Variants in FOXP1 observed in about 807,000 individuals in gnomAD.
FOXP1 encodes the protein forkhead box protein P1.
In FOXP1, 15 loss-of-function variants were observed where a neutral mutation model predicts 98.2. The ratio of observed to expected loss-of-function variants is 0.15; its 90% CI spans 0.10 to 0.24. FOXP1 has a LOEUF of 0.24. Ranked by LOEUF, FOXP1 falls within the 10% of genes least tolerant of loss-of-function variation. FOXP1 has a pLI of 1.00. For missense variants in FOXP1, 633 were observed against 848.5 expected (o/e 0.75, Z 3.15); for synonymous variants, 371 against 314.5 (o/e 1.18, Z -1.90).
Position 71,053,643 on chromosome 3 carries a change from A to G in FOXP1, c.413T>C (p.Leu138Pro). The change falls in exon 8 of 21, where the codon CTT (leucine) becomes CCT (proline). Residue 138 changes from leucine to proline, a missense_variant. Transcript: ENST00000649528. Reference sequence around the variant, plus strand: ...TGGAGGAAGGACAATTACCTGTTGAAGCATGAGGGCCTGCTGCTGCTGGAG... The same window carrying G: ...TGGAGGAAGGACAATTACCTGTTGAGGCATGAGGGCCTGCTGCTGCTGGAG... ...VLLQQQQALM[L>P]QQQQLQEFYK... 6.2e-7 allele frequency: 1 copy of G among 1,614,088 alleles called. No homozygotes were observed. Among genetic ancestry groups the G allele is most frequent in the Non-Finnish European group, 8.5e-7 (1 of 1,179,976 alleles).
chr3:71,208,536 T>TGTGTGTGTGTGTGTGTGTGTGTGTGTG (rs2064212586), intron 5 of FOXP1, among the ~76,000 whole-genome samples: 2 of 149,344 alleles, frequency 1.3e-5, no homozygotes, highest in African/African-American at 2.5e-5. Context: ...GCATTTAAGT[T>TGTGTGTGTGTGTGTGTGTGTGTGTGTG]TGTGTGTGTG....
intron 4 of FOXP1, among the ~76,000 whole-genome samples, chr3:71,325,062 T>A (rs2075607474): frequency 6.6e-6 from 1 of 151,164 alleles, no homozygotes; most frequent in Admixed American, 6.6e-5. Flanking sequence ...GATTTTTTTT[T>A]TTTTTTTTGA....
intron 2 of FOXP1, among the ~76,000 whole-genome samples, chr3:71,496,968 G>A (rs1407785994): frequency 6.6e-6 from 1 of 151,852 alleles, no homozygotes; most frequent in East Asian, 1.9e-4. Flanking sequence ...GGAAGTGTGT[G>A]TGTGTGTGTG....
intron 6 of FOXP1, among the ~76,000 whole-genome samples, chr3:71,181,597 T>C (rs1050608683): frequency 6.6e-6 from 1 of 152,096 alleles, no homozygotes; most frequent in African/African-American, 2.4e-5. Flanking sequence ...CCCAGGGCAG[T>C]TTAAATCAGT....
chr3:70,978,001 G>C lies in FOXP1; in HGVS notation c.1175C>G (p.Ser392Cys). Residue 392 changes from serine to cysteine, a missense_variant, in exon 15 of 21, where the codon TCC becomes TGC. Around this residue, in one of 6 missense-constraint regions of FOXP1, gnomAD observed 141 missense variants for 199.5 expected, o/e 0.71. Transcript: ENST00000649528. Reference sequence around the variant, plus strand: ...TGGAGAAGCCTCCGATGCGGACTTGGAGAGAGTGACACTTGATACCAGATT... The same window carrying C: ...TGGAGAAGCCTCCGATGCGGACTTGCAGAGAGTGACACTTGATACCAGATT... ...PLNLVSSVTL[S>C]KSASEASPQS... 1 of 1,614,090 alleles carries C rather than the reference G, an allele frequency of 6.2e-7. No homozygotes were observed. The highest frequency in any genetic ancestry group is 8.5e-7 in the Non-Finnish European group (1 of 1,179,988).
At chr3:71,488,769 T>C (rs1363219478) in intron 3 of FOXP1, among the ~76,000 whole-genome samples, 1 of 152,190 alleles carries the variant, frequency 6.6e-6, no homozygotes, top group East Asian at 1.9e-4. Context: ...GATAGGCAGC[T>C]GCCAGCACTC....
At chr3:71,219,731 T>C (rs2065210914) in intron 5 of FOXP1, among the ~76,000 whole-genome samples, 2 of 152,376 alleles carry the variant, frequency 1.3e-5, no homozygotes, top group East Asian at 3.9e-4. Flanking sequence ...TATCTTATTC[T>C]TTTTACTTTT....
intron 3 of FOXP1, among the ~76,000 whole-genome samples, chr3:71,483,804 A>G (rs1040238842): frequency 1.1e-4 from 16 of 152,122 alleles, no homozygotes; most frequent in Non-Finnish European, 2.2e-4. Flanking sequence ...CACATACACG[A>G]ACTTTTTTTT....
intron 2 of FOXP1, among the ~76,000 whole-genome samples, chr3:71,576,890 C>T (rs564857862): frequency 2.2e-4 from 34 of 152,180 alleles, no homozygotes; most frequent in Non-Finnish European, 4.4e-4. Context: ...AGATAGGAAA[C>T]ATTTTTTTCT....
At chr3:71,337,626 A>T (rs2076763836) in intron 4 of FOXP1, among the ~76,000 whole-genome samples, 1 of 152,218 alleles carries the variant, frequency 6.6e-6, no homozygotes, top group South Asian at 2.1e-4. Flanking sequence ...ACCTTCCAGA[A>T]GATTGATCAA....
chr3:71,267,845 C>T (rs1466320479), intron 5 of FOXP1, among the ~76,000 whole-genome samples: 3 of 151,834 alleles, frequency 2.0e-5, no homozygotes, highest in Admixed American at 6.6e-5. Flanking sequence ...TGGTGAAACC[C>T]TGTCTCTACT....
chr3:71,072,944 T>C (rs2053420607), intron 7 of FOXP1, among the ~76,000 whole-genome samples: 1 of 152,216 alleles, frequency 6.6e-6, no homozygotes, highest in Non-Finnish European at 1.5e-5. Flanking sequence ...GTATTAACAG[T>C]TTAATAAAGT....
chr3:71,416,437 T>TG (rs1394638114), intron 3 of FOXP1, among the ~76,000 whole-genome samples: 1 of 151,782 alleles, frequency 6.6e-6, no homozygotes, highest in African/African-American at 2.4e-5. Flanking sequence ...CCCAGCTATT[T>TG]GGGGGGCTGA....
At chr3:71,080,551 C>T (rs904362776) in intron 7 of FOXP1, among the ~76,000 whole-genome samples, 1 of 152,218 alleles carries the variant, frequency 6.6e-6, no homozygotes, top group African/African-American at 2.4e-5. Flanking sequence ...GATAACAACA[C>T]AATCATCAAA....
intron 2 of FOXP1, among the ~76,000 whole-genome samples, chr3:71,497,733 G>A (rs2091516062): frequency 6.6e-6 from 1 of 152,134 alleles, no homozygotes; most frequent in Non-Finnish European, 1.5e-5. Flanking sequence ...TGAACCCCCA[G>A]GGGCTCATCC....
At chr3:71,440,399 C>T (rs987553171) in intron 3 of FOXP1, among the ~76,000 whole-genome samples, 3 of 141,606 alleles carry the variant, frequency 2.1e-5, no homozygotes, top group Non-Finnish European at 3.1e-5. Context: ...GACACCGTGC[C>T]GGGCGCGGTG....
At chr3:71,286,080 C>A (rs1453725465) in intron 5 of FOXP1, among the ~76,000 whole-genome samples, 1 of 152,082 alleles carries the variant, frequency 6.6e-6, no homozygotes, top group African/African-American at 2.4e-5. Flanking sequence ...ACCGTATGTC[C>A]CAGCACTGTT....
At chr3:71,369,637 C>T (rs984450402) in intron 3 of FOXP1, among the ~76,000 whole-genome samples, 1 of 152,136 alleles carries the variant, frequency 6.6e-6, no homozygotes, top group Non-Finnish European at 1.5e-5. Flanking sequence ...TCGTGATCCG[C>T]CCGCCTCAGT....
At chr3:70,998,731 C>T (rs1057280996) in intron 13 of FOXP1, among the ~76,000 whole-genome samples, 1 of 152,216 alleles carries the variant, frequency 6.6e-6, no homozygotes, top group South Asian at 2.1e-4. Context: ...ATCAAAGAAT[C>T]CTTGTATGTT....
Sources: allele counts gnomAD v4.1 joint callset (sites outside exome capture counted in the v4.1 genomes callset), GRCh38; gene constraint gnomAD v4.1.1; regional missense constraint gnomAD v4.1.1; transcripts MANE v1.5; gene names NCBI Gene and HGNC (gene_info 2026-07-23, HGNC 2026-07-21).